Variants in RHBDL2 observed in about 807,000 individuals in gnomAD.
The protein encoded by RHBDL2 is rhomboid-related protein 2.
In RHBDL2, 26 loss-of-function variants were observed where a neutral mutation model predicts 31.7. That is an observed-to-expected ratio of 0.82 (90% CI 0.60 to 1.14). The LOEUF is 1.14. Among genes scored for constraint, RHBDL2 ranks in the 50% most tolerant of loss-of-function variants. The pLI, the probability that RHBDL2 is intolerant of heterozygous loss-of-function variation, is 0.00. For missense variants in RHBDL2, 336 were observed against 364.4 expected (o/e 0.92, Z 0.63); for synonymous variants, 123 against 127.2 (o/e 0.97, Z 0.22).
intron 4 of RHBDL2, among the ~76,000 whole-genome samples, chr1:38,908,895 G>C (rs1387385908): frequency 2.6e-5 from 4 of 152,188 alleles, no homozygotes; most frequent in Middle Eastern, 3.2e-3. Context: ...GATAACACGT[G>C]GGCTTGGAGA....
chr1:38,930,349 G>A (rs977075628), intron 1 of RHBDL2, among the ~76,000 whole-genome samples: 1 of 152,062 alleles, frequency 6.6e-6, no homozygotes, highest in African/African-American at 2.4e-5. Context: ...TAAATAACTA[G>A]GGCAAAAAAG....
chr1:38,893,114 ATATTT>A (rs773622522), intron 6 of RHBDL2, 45 bp downstream of exon 6: 1 of 1,063,380 alleles, frequency 9.4e-7, no homozygotes, highest in East Asian at 2.4e-5. Flanking sequence ...ATTTGTCTCT[ATATTT>A]TATTTTCACT....
chr1:38,917,111 G>A (rs1643249020), intron 2 of RHBDL2, among the ~76,000 whole-genome samples: 1 of 145,726 alleles, frequency 6.9e-6, no homozygotes, highest in Admixed American at 7.1e-5. Flanking sequence ...TCTGCCTCCT[G>A]GGTTCACGCT....
chr1:38,896,630 A>C (rs1054060746), intron 4 of RHBDL2, among the ~76,000 whole-genome samples: 29 of 152,210 alleles, frequency 1.9e-4, no homozygotes, highest in Admixed American at 1.7e-3. Context: ...CCAACATTTT[A>C]TTATCTAATA....
intron 7 of RHBDL2, among the ~76,000 whole-genome samples, chr1:38,887,494 G>A (rs1480492469): frequency 6.6e-6 from 1 of 152,012 alleles, no homozygotes; most frequent in Non-Finnish European, 1.5e-5. Context: ...GTGCGATCTC[G>A]GCTCACTGCA....
intron 4 of RHBDL2, among the ~76,000 whole-genome samples, chr1:38,904,012 T>G (rs1643028764): frequency 6.6e-6 from 1 of 152,190 alleles, no homozygotes; most frequent in South Asian, 2.1e-4. Flanking sequence ...TTTCAACAAA[T>G]GATGTTAGAA....
intron 1 of RHBDL2, among the ~76,000 whole-genome samples, chr1:38,921,140 G>C (rs541022155): frequency 6.6e-6 from 1 of 152,298 alleles, no homozygotes; most frequent in African/African-American, 2.4e-5. Flanking sequence ...CGGGCGTGGT[G>C]GCTCACGCCT....
intron 1 of RHBDL2, among the ~76,000 whole-genome samples, chr1:38,933,324 G>A (rs766723732): frequency 3.3e-5 from 5 of 151,956 alleles, no homozygotes; most frequent in African/African-American, 4.8e-5. Flanking sequence ...CCTGTAGCAC[G>A]TCCCTAGGAA....
intron 1 of RHBDL2, among the ~76,000 whole-genome samples, chr1:38,934,208 C>A (rs754864585): frequency 2.6e-5 from 4 of 151,800 alleles, no homozygotes; most frequent in African/African-American, 9.7e-5. Context: ...ATTAGCCAGG[C>A]GTTATGGCGG....
At chr1:38,939,841 C>T (rs1333612459) in intron 1 of RHBDL2, among the ~76,000 whole-genome samples, 1 of 152,070 alleles carries the variant, frequency 6.6e-6, no homozygotes, top group East Asian at 1.9e-4. Context: ...AGCCACCGTG[C>T]CAGGACTTCT....
intron 4 of RHBDL2, among the ~76,000 whole-genome samples, chr1:38,910,430 A>T (rs1250272363): frequency 1.3e-5 from 2 of 152,206 alleles, no homozygotes; most frequent in Non-Finnish European, 2.9e-5. Context: ...TAAAAGTTTA[A>T]TTTTTTAAAA....
chr1:38,940,976 G>A (rs1008979890), intron 1 of RHBDL2, among the ~76,000 whole-genome samples: 2 of 152,174 alleles, frequency 1.3e-5, no homozygotes, highest in African/African-American at 2.4e-5. Context: ...GTGTCTTTGT[G>A]ACTCCAAAAT....
intron 5 of RHBDL2, among the ~76,000 whole-genome samples, chr1:38,894,683 C>CTTTTCTTTTTTTTCTTTTT (rs1642892482): frequency 7.1e-6 from 1 of 140,548 alleles, no homozygotes; most frequent in African/African-American, 2.6e-5. Context: ...AAAAGCATTT[C>CTTTTCTTTTTTTTCTTTTT]TTTTCTTTTT....
At chr1:38,920,766 C>A (rs1228966578) in intron 1 of RHBDL2, among the ~76,000 whole-genome samples, 2 of 148,480 alleles carry the variant, frequency 1.3e-5, no homozygotes, top group African/African-American at 5.1e-5. Flanking sequence ...ACCACCACAC[C>A]TGGCTAATTT....
At chr1:38,931,419 G>C (rs951573828) in intron 1 of RHBDL2, among the ~76,000 whole-genome samples, 2 of 152,080 alleles carry the variant, frequency 1.3e-5, no homozygotes, top group Non-Finnish European at 2.9e-5. Context: ...TACTCGGAAG[G>C]CTGAGGCAGG....
chr1:38,921,346 A>T (rs1643312161), intron 1 of RHBDL2, among the ~76,000 whole-genome samples: 1 of 152,190 alleles, frequency 6.6e-6, no homozygotes, highest in Non-Finnish European at 1.5e-5. Context: ...ACACCACTGC[A>T]CTCCAGACTG....
intron 7 of RHBDL2, among the ~76,000 whole-genome samples, chr1:38,887,466 C>A (rs1415035982): frequency 6.6e-6 from 1 of 151,996 alleles, no homozygotes; most frequent in Non-Finnish European, 1.5e-5. Flanking sequence ...ACTCTGTCAC[C>A]CAGGCTGGAG....
rs113783299 is a variant in RHBDL2 at position 38,904,263 on chromosome 1, G to T, written c.508+7059C>A. On this transcript the variant is annotated intron_variant, in intron 4 of 7. Transcript: ENST00000372990. ...AGGCAGGTGGATCACAAGGTCAGGA[G>T]TTTGAGACCAGTCTGGCCAACGTAG... is the stretch of plus-strand genomic sequence containing the variant. Among the ~76,000 whole-genome samples the T allele has an allele frequency of 7.9e-3, 1,198 of 151,856 alleles. 12 individuals are homozygous for T. Among genetic ancestry groups the T allele is most frequent in the South Asian group, 0.032 (152 of 4,786 alleles).
At chr1:38,907,469 G>A (rs1490709518) in intron 4 of RHBDL2, among the ~76,000 whole-genome samples, 1 of 152,262 alleles carries the variant, frequency 6.6e-6, no homozygotes, top group Non-Finnish European at 1.5e-5. Flanking sequence ...GAACCTGGGA[G>A]GTGGAGGTTG....
Sources: gnomAD v4.1 joint callset for allele counts (sites outside exome capture counted in the v4.1 genomes callset) on GRCh38, gnomAD v4.1.1 for gene constraint, MANE v1.5 for transcripts, NCBI Gene and HGNC (gene_info 2026-07-23, HGNC 2026-07-21) for gene names.